The following VAT1L variants were observed in gnomAD, a reference collection of about 807,000 sequenced individuals.
The protein encoded by VAT1L is vesicle amine transport 1 like.
Under a neutral mutation model 44.1 loss-of-function variants are expected in VAT1L, and 34 were observed. That is an observed-to-expected ratio of 0.77 (90% confidence interval 0.59 to 1.03). The LOEUF is 1.03. VAT1L is among the 50% of genes least tolerant of loss of function. The pLI is 0.00. For synonymous variants in VAT1L, 253 were observed against 202.2 expected (o/e 1.25, Z -2.13); for missense variants, 615 against 538.8 (o/e 1.14, Z -1.40).
chr16:77,840,911 A>G (rs2016697753), intron 3 of VAT1L, among the ~76,000 whole-genome samples: 1 of 152,232 alleles, frequency 6.6e-6, no homozygotes, highest in African/African-American at 2.4e-5. Flanking sequence ...ACAATCCAGC[A>G]TGGATTTCAG....
intron 7 of VAT1L, among the ~76,000 whole-genome samples, chr16:77,966,288 T>G (rs943900242): frequency 6.6e-6 from 1 of 152,150 alleles, no homozygotes; most frequent in African/African-American, 2.4e-5. Context: ...TGGGGTAAGG[T>G]TGACATCACT....
intron 2 of VAT1L, among the ~76,000 whole-genome samples, chr16:77,820,416 C>A (rs964724512): frequency 6.6e-6 from 1 of 152,204 alleles, no homozygotes; most frequent in African/African-American, 2.4e-5. Flanking sequence ...GAAGACCAAA[C>A]CCCTTGCCAA....
rs562422153 is a variant in VAT1L at position 77,940,967 on chromosome 16, GC to G, written c.1078-30882del. On this transcript the variant is annotated intron_variant, in intron 7 of 8. Transcript: ENST00000302536. ...CCTCTCCCTTTTCAACAAAGAGGGAGCAGGCTTCAAGTTCAGAGTCTTCAGG... is the reference window on the plus strand; with the variant it reads ...CCTCTCCCTTTTCAACAAAGAGGGAGAGGCTTCAAGTTCAGAGTCTTCAGG... Among the ~76,000 whole-genome samples the G allele has an allele frequency of 1.4e-3, 208 of 152,270 alleles. 2 individuals carry two copies. The highest frequency in any genetic ancestry group is 9.2e-3 in the Admixed American group (141 of 15,304).
chr16:77,968,614 A>G (rs923949321), intron 7 of VAT1L, among the ~76,000 whole-genome samples: 9 of 151,948 alleles, frequency 5.9e-5, no homozygotes, highest in Admixed American at 3.9e-4. Context: ...AGTCCCAGCT[A>G]CTCAGGAAGT....
intron 7 of VAT1L, among the ~76,000 whole-genome samples, chr16:77,916,637 A>G (rs922540337): frequency 2.6e-5 from 4 of 152,158 alleles, no homozygotes; most frequent in African/African-American, 9.7e-5. Context: ...AAAAATATAC[A>G]TAAGAGCGTT....
chr16:77,907,186 T>G (rs557943364), intron 7 of VAT1L, among the ~76,000 whole-genome samples: 48 of 152,282 alleles, frequency 3.2e-4, no homozygotes, highest in Admixed American at 5.2e-4. Flanking sequence ...ATGACATCAC[T>G]GAATACAGAA....
chr16:77,901,700 T>C (rs2017385562), intron 7 of VAT1L, among the ~76,000 whole-genome samples: 1 of 152,098 alleles, frequency 6.6e-6, no homozygotes, highest in African/African-American at 2.4e-5. Flanking sequence ...TCAATCCCAC[T>C]TGGCATCAGA....
chr16:77,790,734 G>A (rs1373723936), intron 1 of VAT1L, among the ~76,000 whole-genome samples: 2 of 152,164 alleles, frequency 1.3e-5, no homozygotes, highest in African/African-American at 4.8e-5. Flanking sequence ...GGATTCTAGA[G>A]TACATATTCA....
intron 7 of VAT1L, among the ~76,000 whole-genome samples, chr16:77,950,273 G>A (rs961470773): frequency 6.6e-6 from 1 of 152,116 alleles, no homozygotes; most frequent in Admixed American, 6.5e-5. Flanking sequence ...GCCAGGTGTG[G>A]TGGTGGGTGC....
chr16:77,811,445 G>A (rs1286451756), intron 1 of VAT1L, among the ~76,000 whole-genome samples: 1 of 152,118 alleles, frequency 6.6e-6, no homozygotes, highest in Non-Finnish European at 1.5e-5. Flanking sequence ...GATAAGCTTT[G>A]GGGACAAGAA....
intron 1 of VAT1L, among the ~76,000 whole-genome samples, chr16:77,811,214 C>T (rs1451511343): frequency 6.6e-6 from 1 of 152,090 alleles, no homozygotes; most frequent in African/African-American, 2.4e-5. Flanking sequence ...ATGAGCAACC[C>T]CTGCCTCTTT....
chr16:77,847,366 C>T (rs147865672), intron 3 of VAT1L, among the ~76,000 whole-genome samples: 1 of 152,176 alleles, frequency 6.6e-6, no homozygotes, highest in Non-Finnish European at 1.5e-5. Context: ...ACCTCTCCCC[C>T]GGTCTTCCCG....
At chr16:77,895,822 A>C (rs954675317) in intron 7 of VAT1L, among the ~76,000 whole-genome samples, 5 of 152,242 alleles carry the variant, frequency 3.3e-5, no homozygotes, top group Non-Finnish European at 1.5e-5. Flanking sequence ...TTGCAAACAC[A>C]GTTGCAAGTG....
At position 77,942,029 on chromosome 16, in the gene VAT1L, A is replaced by G. The variant is rs556933053; in HGVS notation, c.1078-29821A>G. Among the ~76,000 whole-genome samples, 14 of 152,284 alleles carry G rather than the reference A, an allele frequency of 9.2e-5. No individual in the cohort carries two copies. In the South Asian group the frequency reaches 2.7e-3, roughly 29 times the overall value. ...GCCATTCTGACTGGTTTGAGATGAT[A>G]TCTCATTGTGGTTTTGATTCGCATT... On this transcript the variant is annotated intron_variant, in intron 7 of 8. Coordinates refer to ENST00000302536, the MANE Select transcript of VAT1L (RefSeq NM_020927.3).
chr16:77,916,698 G>C (rs1037751439), intron 7 of VAT1L, among the ~76,000 whole-genome samples: 2 of 152,054 alleles, frequency 1.3e-5, no homozygotes, highest in African/African-American at 2.4e-5. Context: ...GTCAAAGAAA[G>C]AATGAGGTTC....
chr16:77,962,084 C>T (rs2018165848), intron 7 of VAT1L, among the ~76,000 whole-genome samples: 1 of 152,102 alleles, frequency 6.6e-6, no homozygotes, highest in East Asian at 1.9e-4. Flanking sequence ...ATTTCCAGAA[C>T]CTGCCAGTCA....
chr16:77,956,062 A>C (rs1424989025), intron 7 of VAT1L, among the ~76,000 whole-genome samples: 2 of 152,160 alleles, frequency 1.3e-5, no homozygotes, highest in Non-Finnish European at 2.9e-5. Flanking sequence ...ATATTTTAAA[A>C]TAACTAAAAG....
intron 7 of VAT1L, among the ~76,000 whole-genome samples, chr16:77,970,722 T>C (rs542844234): frequency 6.6e-6 from 1 of 152,344 alleles, no homozygotes; most frequent in African/African-American, 2.4e-5. Context: ...ATTATGTCTT[T>C]AGGATAAAGT....
At chr16:77,959,064 A>T (rs960336654) in intron 7 of VAT1L, among the ~76,000 whole-genome samples, 1 of 152,192 alleles carries the variant, frequency 6.6e-6, no homozygotes, top group African/African-American at 2.4e-5. Context: ...TCAGGTGCTG[A>T]TCCTGCACTT....
Sources: gnomAD v4.1 joint callset for allele counts (sites outside exome capture counted in the v4.1 genomes callset) on GRCh38, gnomAD v4.1.1 for gene constraint, MANE v1.5 for transcripts, NCBI Gene and HGNC (gene_info 2026-07-23, HGNC 2026-07-21) for gene names.